PDZD4: variants seen among roughly 807,000 people sequenced by gnomAD.
The protein encoded by PDZD4 is PDZ domain containing 4.
Under a neutral mutation model 38.5 loss-of-function variants are expected in PDZD4, and 9 were observed. That is an observed-to-expected ratio of 0.23 (90% confidence interval 0.14 to 0.41). The LOEUF is 0.41. PDZD4 is among the 10% of genes least tolerant of loss of function. PDZD4 has a pLI of 1.00. For missense variants in PDZD4, 612 were observed against 722.0 expected (o/e 0.85, Z 1.75); for synonymous variants, 349 against 315.7 (o/e 1.11, Z -1.12).
chrX:153,803,658 C>G lies in PDZD4; in HGVS notation c.2023G>C (p.Glu675Gln), dbSNP rs1557075398. The change falls in exon 8 of 8, where the codon GAG (glutamate) becomes CAG (glutamine). Residue 675 changes from glutamate to glutamine, a missense_variant. Physicochemically the swap from Glu to Gln is conservative, Grantham distance 29. This residue lies in a region of PDZD4 where 87 missense variants were observed against 126.3 expected (regional missense o/e 0.69). Transcript: ENST00000393758. The stretch of plus-strand genomic sequence containing the variant: ...CTCCAGTAGCGGCCCATCTTCATCT[C>G]GCTCACCGCGTCGTCGTCGGTCGTC... ...GMTTDDDAVS[E>Q]MKMGRYWSKE... 8.3e-7 allele frequency: 1 copy of G among 1,209,378 alleles called. No homozygotes were observed. The highest frequency in any genetic ancestry group is 3.0e-5 in the East Asian group (1 of 33,763).
In PDZD4 at chrX:153,806,140, G is replaced by A; in HGVS notation, c.505-7C>T. Reference sequence around the variant, plus strand: ...CAATGCTGTTGGGATTTACCTGCAGGACACACGCATCTTGGGGACTTGGTG... The same window carrying A: ...CAATGCTGTTGGGATTTACCTGCAGAACACACGCATCTTGGGGACTTGGTG... On this transcript the variant is annotated splice_polypyrimidine_tract_variant and splice_region_variant and intron_variant, in intron 4 of 7. Transcript: ENST00000393758. The A allele has an allele frequency of 8.3e-7, 1 of 1,210,971 alleles. No individual in the cohort carries two copies. The highest frequency in any genetic ancestry group is 1.7e-5 in the African/African-American group (1 of 57,895).
intron 1 of PDZD4, chrX:153,829,603 GGT>G: frequency 9.8e-6 from 5 of 508,925 alleles, no homozygotes; most frequent in Non-Finnish European, 1.2e-5. Flanking sequence ...CTGGGCTCCA[GGT>G]CCGAGCTCCG....
chrX:153,803,568 T>C lies in PDZD4; in HGVS notation c.2113A>G (p.Met705Val), dbSNP rs1557075369. ...REQRKRREFMMQSRLECLREQ... is the reference protein window; with the variant it reads ...REQRKRREFMVQSRLECLREQ... ...CGCAGGCACTCCAGCCGGCTCTGCA[T>C]CATGAACTCGCGCCGCTTCCGCTGC... Residue 705 changes from methionine to valine, a missense_variant, in exon 8 of 8, where the codon ATG becomes GTG. Coordinates refer to ENST00000393758, the MANE Select transcript of PDZD4 (RefSeq NM_001303512.2). 6 of 1,210,327 alleles carry C rather than the reference T, an allele frequency of 5.0e-6. No homozygotes were observed. In the South Asian group the frequency reaches 1.1e-4, roughly 21 times the overall value.
rs1218090472 is a variant in PDZD4, at chrX:153,804,725, C to T, written c.956G>A (p.Arg319His). 8.3e-7 allele frequency: 1 copy of T among 1,210,932 alleles called. No individual in the cohort carries two copies. Among genetic ancestry groups the T allele is most frequent in the Non-Finnish European group, 1.1e-6 (1 of 895,489 alleles). ...PSSTNTPGSL[R>H]KFGLQGDALQ... ...GGCGTCCCCTTGCAGGCCAAACTTG[C>T]GCAGGCTTCCCGGGGTGTTGGTGGA... Residue 319 changes from arginine (R) to histidine (H), a missense_variant, in exon 8 of 8, where the codon CGC becomes CAC. Transcript: ENST00000393758.
intron 1 of PDZD4, among the ~76,000 whole-genome samples, chrX:153,820,725 G>A (rs1168833666): frequency 1.8e-5 from 2 of 111,678 alleles, no homozygotes; most frequent in African/African-American, 6.5e-5. Flanking sequence ...TCATTCCCGC[G>A]GTGAGATTCA....
At chrX:153,805,877 A>G (rs191589260) in intron 5 of PDZD4, among the ~76,000 whole-genome samples, 194 bp downstream of exon 5, 22 of 112,153 alleles carry the variant, frequency 2.0e-4, no homozygotes, top group African/African-American at 7.1e-4. Context: ...AGCAGATCCC[A>G]TAGGCACACG....
intron 1 of PDZD4, among the ~76,000 whole-genome samples, chrX:153,811,271 G>C (rs2064307807): frequency 1.8e-5 from 2 of 111,694 alleles, no homozygotes; most frequent in Admixed American, 1.9e-4. Flanking sequence ...CCAATAGCTA[G>C]GATTACAGGC....
chrX:153,807,303 G>A lies in PDZD4; in HGVS notation c.381C>T (p.Asp127=), dbSNP rs1419411805. The A allele has an allele frequency of 2.5e-6, 3 of 1,209,412 alleles. No homozygotes were observed. In the African/African-American group the frequency reaches 5.2e-5, roughly 21 times the overall value. ...EFMEGGPQEA[D]RLDELEYEEV... Reference sequence around the variant, plus strand: ...CCTCATACTCCAGCTCATCCAAGCGGTCTGCCTCCTGCGGGCCGCCCTCCA... The same window carrying A: ...CCTCATACTCCAGCTCATCCAAGCGATCTGCCTCCTGCGGGCCGCCCTCCA... Residue 127 remains aspartate (D), a synonymous_variant, in exon 3 of 8, where the codon GAC becomes GAT. Transcript: ENST00000393758.
rs1557077863 is a variant in PDZD4, at chrX:153,808,364, C to G, written c.292G>C (p.Glu98Gln). 1 of 1,209,941 alleles carries G rather than the reference C, an allele frequency of 8.3e-7. No homozygotes were observed. Among genetic ancestry groups the G allele is most frequent in the Non-Finnish European group, 1.1e-6 (1 of 894,759 alleles). Reference protein sequence around the residue: ...RPPTPPMVILEPYVLSELPPI... With the variant: ...RPPTPPMVILQPYVLSELPPI... ...CACAGCTCAGAGAGGACGTACGGCT[C>G]CAGGATGACCATGGGCGGGGTGGGC... Residue 98 changes from glutamate (E) to glutamine (Q), a missense_variant, in exon 2 of 8, where the codon GAG (glutamate) becomes CAG (glutamine). Around this residue, in one of 3 missense-constraint regions of PDZD4, gnomAD observed 225 missense variants for 311.0 expected, o/e 0.72. Coordinates refer to ENST00000393758, the MANE Select transcript of PDZD4 (RefSeq NM_001303512.2).
chrX:153,805,392 G>T (rs1250135238), intron 6 of PDZD4, 113 bp downstream of exon 6: 19 of 198,935 alleles, frequency 9.6e-5, no homozygotes, highest in African/African-American at 5.7e-4. Context: ...CTGCCCACCC[G>T]CCCTCCATCA....
chrX:153,813,822 T>G (rs782117557), intron 1 of PDZD4, among the ~76,000 whole-genome samples: 22 of 111,326 alleles, frequency 2.0e-4, no homozygotes, highest in Non-Finnish European at 3.6e-4. Context: ...AGCTCAGCCT[T>G]TTATGTGTGA....
At position 153,803,840 on chromosome X, in the gene PDZD4, C is replaced by G; in HGVS notation, c.1841G>C (p.Arg614Pro). The change falls in exon 8 of 8, where the codon CGG becomes CCG. Residue 614 changes from arginine (R) to proline (P), a missense_variant. This residue lies in a region of PDZD4 where 300 missense variants were observed against 284.6 expected (regional missense o/e 1.05). Coordinates refer to ENST00000393758, the MANE Select transcript of PDZD4 (RefSeq NM_001303512.2). ...HGPLSLAGGPRVGGVAAAATE... is the reference protein window; with the variant it reads ...HGPLSLAGGPPVGGVAAAATE... ...GGCCGCGGCCGCCACCCCGCCCACCCGAGGGCCACCGGCCAAGCTCAGGGG... is the reference window on the plus strand; with the variant it reads ...GGCCGCGGCCGCCACCCCGCCCACCGGAGGGCCACCGGCCAAGCTCAGGGG... 1 of 1,193,279 alleles carries G rather than the reference C, an allele frequency of 8.4e-7. No homozygotes were observed. Among genetic ancestry groups the G allele is most frequent in the Non-Finnish European group, 1.1e-6 (1 of 888,410 alleles).
intron 4 of PDZD4, 133 bp from the exon 5 acceptor site, chrX:153,806,266 A>G: frequency 1.6e-6 from 1 of 622,066 alleles, no homozygotes; most frequent in Non-Finnish European, 2.6e-6. Context: ...AGCCCCAGGA[A>G]GCAGAGGCAG....
In PDZD4 at chrX:153,803,597, C is replaced by T; in HGVS notation, c.2084G>A (p.Arg695His). The change falls in exon 8 of 8, where the codon CGT (arginine) becomes CAT (histidine). Residue 695 changes from arginine (R) to histidine (H), a missense_variant. Transcript: ENST00000393758. ...GAACTCGCGCCGCTTCCGCTGCTCA[C>T]GGGCCCGGATCAGGTGCTGCTTCCG... ...EERKQHLIRA[R>H]EQRKRREFMM... The T allele has an allele frequency of 1.7e-6, 2 of 1,210,343 alleles. No homozygotes were observed. The highest frequency in any genetic ancestry group is 2.2e-6 in the Non-Finnish European group (2 of 895,558).
intron 1 of PDZD4, among the ~76,000 whole-genome samples, chrX:153,824,709 G>A (rs1458348502): frequency 8.9e-6 from 1 of 111,998 alleles, no homozygotes; most frequent in Non-Finnish European, 1.9e-5. Flanking sequence ...ACAAAAAGGG[G>A]AGCCTGGGGC....
At chrX:153,807,993 G>A (rs2064270687) in intron 2 of PDZD4, 1 of 1,014,864 alleles carries the variant, frequency 9.9e-7, no homozygotes, top group Admixed American at 3.0e-5. Context: ...GCAGGTAGAG[G>A]AATGAGACAG....
chrX:153,816,977 G>A (rs782780410), intron 1 of PDZD4, among the ~76,000 whole-genome samples: 3 of 110,865 alleles, frequency 2.7e-5, no homozygotes, highest in South Asian at 7.7e-4. Context: ...AGAAGACATC[G>A]AATAAGCGCA....
At position 153,820,349 on chromosome X, in the gene PDZD4, C is replaced by CAAAAAAA. The variant is rs140401659; in HGVS notation, c.60+9883_60+9889dup. Among the ~76,000 whole-genome samples, 2 of 18,233 alleles carry CAAAAAAA rather than the reference C, an allele frequency of 1.1e-4. 1 individual carries two copies. The highest frequency in any genetic ancestry group is 1.6e-4 in the Non-Finnish European group (2 of 12,132). The allele number at this position is 18,233 out of a possible 115,157, so 15.8% of individuals were successfully genotyped here. ...TGGGCGACAGAGCAAGACTCCATCT[C>CAAAAAAA]AAAAAAAAAAAAAAAAAAAAAAAAA... On this transcript the variant is annotated intron_variant, in intron 1 of 7. Coordinates refer to ENST00000393758, the MANE Select transcript of PDZD4 (RefSeq NM_001303512.2).
chrX:153,808,309 G>A, intron 2 of PDZD4, 33 bp downstream of exon 2: 1 of 1,174,012 alleles, frequency 8.5e-7, no homozygotes, highest in Non-Finnish European at 1.1e-6. Context: ...CTCTCTGGAG[G>A]CAGGGCCCGG....
Sources: allele counts gnomAD v4.1 joint callset (sites outside exome capture counted in the v4.1 genomes callset), GRCh38; gene constraint gnomAD v4.1.1; regional missense constraint gnomAD v4.1.1; transcripts MANE v1.5; gene names NCBI Gene and HGNC (gene_info 2026-07-23, HGNC 2026-07-21).